SLC30A7: variants seen among roughly 807,000 people sequenced by gnomAD.
SLC30A7 encodes the protein zinc transporter 7.
In SLC30A7, 35 loss-of-function variants were observed where a neutral mutation model predicts 46.0. That is an observed-to-expected ratio of 0.76 (90% CI 0.58 to 1.01). The LOEUF is 1.01. Among genes scored for constraint, SLC30A7 ranks in the 50% least tolerant of loss-of-function variants. The probability of loss-of-function intolerance (pLI) is 0.00; values close to 1 mark genes in which losing one functional copy is unlikely to be tolerated. For missense variants in SLC30A7, 464 were observed against 451.1 expected (o/e 1.03, Z -0.26); for synonymous variants, 147 against 157.8 (o/e 0.93, Z 0.51).
chr1:100,990,253 A>G, the SLC30A7 span: 1 of 664,880 alleles, frequency 1.5e-6, no homozygotes, highest in Non-Finnish European at 2.6e-6. Flanking sequence ...TGAGAATAGC[A>G]TGAGGGAAAC....
intron 8 of SLC30A7, among the ~76,000 whole-genome samples, chr1:100,922,569 T>C (rs1456490816): frequency 6.6e-6 from 1 of 152,204 alleles, no homozygotes; most frequent in Non-Finnish European, 1.5e-5. Flanking sequence ...GTAGAAGTCT[T>C]GTAAAAATGC....
chr1:100,991,788 C>CAAAAAAAAA, the SLC30A7 span, among the ~76,000 whole-genome samples: 11 of 101,058 alleles, frequency 1.1e-4, no homozygotes, highest in African/African-American at 1.6e-4. Context: ...GACCCCATCT[C>CAAAAAAAAA]AAAAAAAAAA....
chr1:100,966,311 C>T (rs1314943157), intron 10 of SLC30A7, among the ~76,000 whole-genome samples: 2 of 151,262 alleles, frequency 1.3e-5, no homozygotes, highest in African/African-American at 2.4e-5. Context: ...TGGCTGGGTG[C>T]GGTGGCTCAC....
rs1656455897 is a variant in SLC30A7, at chr1:100,975,842, T to G, written c.*985T>G. The G allele has an allele frequency of 6.6e-6, 1 of 151,164 alleles. No homozygotes were observed. The highest frequency in any genetic ancestry group is 2.1e-4 in the South Asian group (1 of 4,782). The allele number at this position is 151,164 out of a possible 1,614,324, so 9.4% of individuals were successfully genotyped here. A position where few individuals can be genotyped will look rare whatever the true frequency, so the allele number is the denominator to read the frequency against. On this transcript the variant is annotated 3_prime_UTR_variant, in exon 11 of 11. Coordinates refer to ENST00000357650, the MANE Select transcript of SLC30A7 (RefSeq NM_133496.5). The stretch of plus-strand genomic sequence containing the variant: ...CGCCCGGCTATGTTTTTTTTTTTTT[T>G]TTTTTTTTTTTTTAACAATGGATAT...
chr1:100,952,673 C>T (rs1275525831), intron 8 of SLC30A7, among the ~76,000 whole-genome samples: 1 of 152,168 alleles, frequency 6.6e-6, no homozygotes, highest in Non-Finnish European at 1.5e-5. Context: ...TCTTGGCTAC[C>T]TGATGGGCCA....
rs146001199 is a variant in SLC30A7 at position 100,936,929 on chromosome 1, C to T, written c.842+15088C>T. ...TCACTTTGTAGTATATGTCAGAATA[C>T]CCTTTCTTTTTAAGACTGAATGATT... On this transcript the variant is annotated intron_variant, in intron 8 of 10. Transcript: ENST00000357650. 5.9e-5 allele frequency among the ~76,000 whole-genome samples: 9 copies of T among 152,190 alleles called. No individual in the cohort carries two copies. In the East Asian group the frequency reaches 1.7e-3, roughly 29 times the overall value.
intron 8 of SLC30A7, among the ~76,000 whole-genome samples, chr1:100,929,275 A>C (rs1557989546): frequency 6.6e-6 from 1 of 152,120 alleles, no homozygotes; most frequent in Non-Finnish European, 1.5e-5. Context: ...AAAAAGCATA[A>C]GTTTTTTAAT....
chr1:100,993,551 A>C, the SLC30A7 span, among the ~76,000 whole-genome samples: 2 of 58,182 alleles, frequency 3.4e-5, no homozygotes, highest in Non-Finnish European at 7.1e-5. Context: ...GACTCTGTCG[A>C]AAATATAAAT....
At chr1:100,970,275 T>C (rs1310122343) in intron 10 of SLC30A7, among the ~76,000 whole-genome samples, 2 of 152,170 alleles carry the variant, frequency 1.3e-5, no homozygotes, top group Non-Finnish European at 2.9e-5. Flanking sequence ...AAAAATTGTT[T>C]TGTTAAAACT....
At chr1:100,916,111 A>C (rs1652525501) in intron 6 of SLC30A7, among the ~76,000 whole-genome samples, 1 of 151,264 alleles carries the variant, frequency 6.6e-6, no homozygotes, top group Non-Finnish European at 1.5e-5. Flanking sequence ...GCCATTTATT[A>C]CTTTTTTATT....
At chr1:100,994,381 A>C in the SLC30A7 span, among the ~76,000 whole-genome samples, 1 of 152,168 alleles carries the variant, frequency 6.6e-6, no homozygotes, top group Non-Finnish European at 1.5e-5. Context: ...AATGCTCCTT[A>C]GTCACAAGTG....
chr1:100,950,672 T>C (rs1164954539), intron 8 of SLC30A7, among the ~76,000 whole-genome samples: 1 of 152,214 alleles, frequency 6.6e-6, no homozygotes, highest in Admixed American at 6.5e-5. Context: ...AAAAATCAGC[T>C]TCTCCTAAAA....
At chr1:100,950,007 CTGCAGGG>C (rs1654874673) in intron 8 of SLC30A7, among the ~76,000 whole-genome samples, 1 of 152,238 alleles carries the variant, frequency 6.6e-6, no homozygotes, top group South Asian at 2.1e-4. Context: ...AGCTCGCTCT[CTGCAGGG>C]TGCACCCACT....
chr1:100,916,213 G>A (rs1420442865), intron 6 of SLC30A7, among the ~76,000 whole-genome samples: 1 of 151,574 alleles, frequency 6.6e-6, no homozygotes, highest in Admixed American at 6.6e-5. Flanking sequence ...TTGAGATGGA[G>A]TCTCGCTCTG....
At chr1:100,932,070 C>T (rs1653692037) in intron 8 of SLC30A7, among the ~76,000 whole-genome samples, 1 of 152,104 alleles carries the variant, frequency 6.6e-6, no homozygotes, top group African/African-American at 2.4e-5. Context: ...ATTTAAAAAT[C>T]AGAGTGTTAT....
In SLC30A7 at chr1:100,937,910, A is replaced by G. The variant is rs375957852; in HGVS notation, c.842+16069A>G. Among the ~76,000 whole-genome samples the G allele has an allele frequency of 3.9e-5, 6 of 152,238 alleles. No individual in the cohort carries two copies. The East Asian group carries it at 5.8e-4, about 15-fold the overall frequency. ...TACATTTTATTCTGAGTTAATTTTTATATATGGTGTGAGGTAAGGGTCCAG... is the reference window on the plus strand; with the variant it reads ...TACATTTTATTCTGAGTTAATTTTTGTATATGGTGTGAGGTAAGGGTCCAG... On this transcript the variant is annotated intron_variant, in intron 8 of 10. Transcript: ENST00000357650.
In SLC30A7 at chr1:100,961,875, C is replaced by A; in HGVS notation, c.890C>A (p.Thr297Asn). Reference protein sequence around the residue: ...RESVGILMQRTPPLLENSLPQ... With the variant: ...RESVGILMQRNPPLLENSLPQ... Reference sequence around the variant, plus strand: ...TCTGTTGGAATATTAATGCAGAGAACTCCTCCCCTATTAGAAAATAGTCTG... The same window carrying A: ...TCTGTTGGAATATTAATGCAGAGAAATCCTCCCCTATTAGAAAATAGTCTG... Residue 297 changes from threonine (T) to asparagine (N), a missense_variant, in exon 9 of 11, where the codon ACT becomes AAT. Thr to Asn is a moderately conservative substitution (Grantham distance 65). Coordinates refer to ENST00000357650, the MANE Select transcript of SLC30A7 (RefSeq NM_133496.5). 1 of 1,608,230 alleles carries A rather than the reference C, an allele frequency of 6.2e-7. No individual in the cohort carries two copies. The highest frequency in any genetic ancestry group is 8.5e-7 in the Non-Finnish European group (1 of 1,176,224).
At chr1:100,907,031 T>A in intron 3 of SLC30A7, 66 bp downstream of exon 3, 1 of 1,054,934 alleles carries the variant, frequency 9.5e-7, no homozygotes, top group Non-Finnish European at 1.4e-6. Context: ...ACACTAATCT[T>A]AAGCTCAGTG....
At chr1:100,918,533 G>A (rs1170614702) in intron 7 of SLC30A7, among the ~76,000 whole-genome samples, 2 of 152,096 alleles carry the variant, frequency 1.3e-5, no homozygotes, top group South Asian at 2.1e-4. Context: ...ACATTGTATA[G>A]ATGCTTCTTG....
Sources: gnomAD v4.1 joint callset for allele counts (sites outside exome capture counted in the v4.1 genomes callset) on GRCh38, gnomAD v4.1.1 for gene constraint, MANE v1.5 for transcripts, NCBI Gene and HGNC (gene_info 2026-07-23, HGNC 2026-07-21) for gene names.